The following FAM222A variants were observed in gnomAD, a reference collection of about 807,000 sequenced individuals.
FAM222A encodes protein FAM222A.
In FAM222A, 7 loss-of-function variants were observed where a neutral mutation model predicts 25.8. The ratio of observed to expected loss-of-function variants is 0.27; its 90% confidence interval spans 0.15 to 0.51. FAM222A has a LOEUF of 0.51. FAM222A is among the 20% of genes least tolerant of loss of function. The pLI is 0.97. For synonymous variants in FAM222A, 294 were observed against 298.8 expected (o/e 0.98, Z 0.17); for missense variants, 573 against 640.5 (o/e 0.89, Z 1.14).
chr12:109,727,458 GT>G (rs923682246), intron 1 of FAM222A, among the ~76,000 whole-genome samples: 35 of 152,294 alleles, frequency 2.3e-4, no homozygotes, highest in African/African-American at 8.2e-4. Flanking sequence ...TGACTATTTT[GT>G]GTCTTGCTCT....
Position 109,769,193 on chromosome 12 carries a change from A to G in FAM222A, c.1264A>G (p.Lys422Glu). The part of the protein sequence containing the change: ...LINDIRPPCI[K>E]EQMLGKGYET... ...CAACGACATCCGGCCGCCCTGCATC[A>G]AGGAGCAGATGCTGGGCAAGGGCTA... The change falls in exon 3 of 3, where the codon AAG (lysine) becomes GAG (glutamate). Residue 422 changes from lysine to glutamate, a missense_variant. Transcript: ENST00000538780. 1 of 1,612,444 alleles carries G rather than the reference A, an allele frequency of 6.2e-7. No individual in the cohort carries two copies. The highest frequency in any genetic ancestry group is 8.5e-7 in the Non-Finnish European group (1 of 1,179,790).
chr12:109,729,857 CA>C (rs962365301), intron 1 of FAM222A, among the ~76,000 whole-genome samples: 1 of 152,232 alleles, frequency 6.6e-6, no homozygotes, highest in Non-Finnish European at 1.5e-5. Flanking sequence ...CATTGTGTGC[CA>C]AAATGCCACT....
At position 109,748,890 on chromosome 12, in the gene FAM222A, T is replaced by G. The variant is rs555503488; in HGVS notation, c.82+4662T>G. On this transcript the variant is annotated intron_variant, in intron 2 of 2. Transcript: ENST00000538780. ...GCTTTTATCTTTATTAAAACCTTCCTTCTGCTTTTAGTTTTTTTCCCTTAG... is the reference window on the plus strand; with the variant it reads ...GCTTTTATCTTTATTAAAACCTTCCGTCTGCTTTTAGTTTTTTTCCCTTAG... 1.6e-3 allele frequency among the ~76,000 whole-genome samples: 241 copies of G among 152,190 alleles called. 1 individual carries two copies. Among genetic ancestry groups the G allele is most frequent in the Admixed American group, 2.7e-3 (41 of 15,274 alleles).
Position 109,723,007 on chromosome 12 carries a change from G to A in FAM222A, c.-47+8110G>A, listed in dbSNP as rs367588175. On this transcript the variant is annotated intron_variant, in intron 1 of 2. Coordinates refer to ENST00000538780, the MANE Select transcript of FAM222A (RefSeq NM_032829.3). The stretch of plus-strand genomic sequence containing the variant: ...CCCAGCTTGGAGGGAGCGGGTGGGG[G>A]GGGGAGGGGGTATCAGGGCCTTATT... Among the ~76,000 whole-genome samples, 41 of 151,060 alleles carry A rather than the reference G, an allele frequency of 2.7e-4. 2 individuals carry two copies. In the South Asian group the frequency reaches 8.1e-3, roughly 30 times the overall value.
chr12:109,758,852 C>A (rs1888807913), intron 2 of FAM222A, among the ~76,000 whole-genome samples: 1 of 152,164 alleles, frequency 6.6e-6, no homozygotes, highest in African/African-American at 2.4e-5. Flanking sequence ...GCCCTGGACA[C>A]CCCTTGCTCC....
intron 1 of FAM222A, among the ~76,000 whole-genome samples, chr12:109,716,360 G>A (rs1001227498): frequency 1.3e-5 from 2 of 152,210 alleles, no homozygotes; most frequent in Non-Finnish European, 2.9e-5. Flanking sequence ...AGCGTGGGGC[G>A]GGGTAAGAGC....
chr12:109,754,019 G>A (rs988019621), intron 2 of FAM222A, among the ~76,000 whole-genome samples: 6 of 152,142 alleles, frequency 3.9e-5, no homozygotes, highest in Non-Finnish European at 8.8e-5. Context: ...AGGCCAGATA[G>A]ATCTCAACCC....
intron 2 of FAM222A, among the ~76,000 whole-genome samples, chr12:109,747,728 T>C (rs909500172): frequency 2.0e-5 from 3 of 152,218 alleles, no homozygotes; most frequent in African/African-American, 7.2e-5. Context: ...GCTAGCCTTT[T>C]CTTCCAGTGG....
intron 1 of FAM222A, among the ~76,000 whole-genome samples, chr12:109,723,121 G>C (rs1887780122): frequency 6.6e-6 from 1 of 152,148 alleles, no homozygotes; most frequent in Non-Finnish European, 1.5e-5. Flanking sequence ...AAGCATCCCA[G>C]GGTAGCAGCA....
Position 109,768,331 on chromosome 12 carries a change from C to T in FAM222A, c.402C>T (p.Thr134=). ...TCAAGAGCGCCGAGGGCAAGCGGACCAAGCTGTCACCGGCCGCCGTGCAGG... is the reference window on the plus strand; with the variant it reads ...TCAAGAGCGCCGAGGGCAAGCGGACTAAGCTGTCACCGGCCGCCGTGCAGG... ...SVLKSAEGKR[T]KLSPAAVQVG... The change falls in exon 3 of 3, where the codon ACC becomes ACT. Residue 134 remains threonine (T), a synonymous_variant. Transcript: ENST00000538780. 6.3e-7 allele frequency: 1 copy of T among 1,599,822 alleles called. No individual in the cohort carries two copies. Among genetic ancestry groups the T allele is most frequent in the Non-Finnish European group, 8.5e-7 (1 of 1,175,284 alleles).
At chr12:109,715,382 G>A (rs2136312261) in intron 1 of FAM222A, among the ~76,000 whole-genome samples, 1 of 152,342 alleles carries the variant, frequency 6.6e-6, no homozygotes, top group East Asian at 1.9e-4. Flanking sequence ...TAGAGCCCTC[G>A]TTCAAACCAC....
At chr12:109,764,653 C>T (rs545208561) in intron 2 of FAM222A, among the ~76,000 whole-genome samples, 2 of 152,222 alleles carry the variant, frequency 1.3e-5, no homozygotes, top group South Asian at 2.1e-4. Context: ...CCGGCAGCTG[C>T]TTTTGCTGAC....
At chr12:109,744,941 G>C (rs1203140548) in intron 2 of FAM222A, 2 of 255,810 alleles carry the variant, frequency 7.8e-6, no homozygotes, top group Admixed American at 6.5e-5. Flanking sequence ...AGGTCACCGC[G>C]GTCCCCACCC....
chr12:109,724,490 G>A (rs1438166051), intron 1 of FAM222A, among the ~76,000 whole-genome samples: 5 of 152,276 alleles, frequency 3.3e-5, no homozygotes, highest in Middle Eastern at 6.8e-3. Context: ...TGGCTCTGCC[G>A]ATGAATGCCA....
Position 109,768,847 on chromosome 12 carries a change from C to A in FAM222A, c.918C>A (p.Ser306Arg). ...PPQPLRAYSG[S>R]TVASKSPEAC... is the part of the protein sequence containing the mutation. The stretch of plus-strand genomic sequence containing the variant: ...AGCCACTGCGTGCCTACAGTGGGAG[C>A]ACGGTGGCCAGCAAGTCCCCTGAGG... Residue 306 changes from serine (S) to arginine (R), a missense_variant, in exon 3 of 3, where the codon AGC (serine) becomes AGA (arginine). Ser to Arg is a moderately radical substitution (Grantham distance 110). Coordinates refer to ENST00000538780, the MANE Select transcript of FAM222A (RefSeq NM_032829.3). 1 of 1,580,980 alleles carries A rather than the reference C, an allele frequency of 6.3e-7. No individual in the cohort carries two copies. Among genetic ancestry groups the A allele is most frequent in the Non-Finnish European group, 8.5e-7 (1 of 1,170,670 alleles).
chr12:109,716,894 T>C (rs944846648), intron 1 of FAM222A, among the ~76,000 whole-genome samples: 16 of 152,242 alleles, frequency 1.1e-4, no homozygotes, highest in African/African-American at 3.9e-4. Context: ...TCTCAGTTAC[T>C]CCTTGGAGTG....
intron 1 of FAM222A, among the ~76,000 whole-genome samples, chr12:109,727,214 T>TGAGCC (rs1384277682): frequency 1.3e-5 from 2 of 152,010 alleles, no homozygotes; most frequent in Non-Finnish European, 2.9e-5. Context: ...TGTGTGAGCT[T>TGAGCC]GAGCCGGGCC....
chr12:109,743,297 C>G (rs1888294870), intron 1 of FAM222A, among the ~76,000 whole-genome samples: 1 of 152,174 alleles, frequency 6.6e-6, no homozygotes, highest in Non-Finnish European at 1.5e-5. Context: ...ACGTTCTCTG[C>G]AGGAGAGTGG....
chr12:109,769,285 A>G lies in FAM222A; in HGVS notation c.1356A>G (p.Arg452=). 6.2e-7 allele frequency: 1 copy of G among 1,608,294 alleles called. No individual in the cohort carries two copies. Among genetic ancestry groups the G allele is most frequent in the Non-Finnish European group, 8.5e-7 (1 of 1,178,136 alleles). The change falls in exon 3 of 3, where the codon AGA becomes AGG. Residue 452 remains arginine (R), a synonymous_variant. Coordinates refer to ENST00000538780, the MANE Select transcript of FAM222A (RefSeq NM_032829.3). ...CCCACATCCGCCTACCCGTCTACAG[A>G]TAAGGCCTGCCCTGCGGACATACGG... ...QHAHIRLPVY[R]
Sources: allele counts gnomAD v4.1 joint callset (sites outside exome capture counted in the v4.1 genomes callset), GRCh38; gene constraint gnomAD v4.1.1; transcripts MANE v1.5; gene names NCBI Gene and HGNC (gene_info 2026-07-23, HGNC 2026-07-21).